USP9X: variants seen among roughly 807,000 people sequenced by gnomAD.
USP9X encodes the protein ubiquitin carboxyl-terminal hydrolase 9X.
USP9X carries 7 observed loss-of-function variants against 190.3 expected under a neutral mutation model. The ratio of observed to expected loss-of-function variants is 0.04; its 90% CI spans 0.02 to 0.07. The LOEUF (loss-of-function observed/expected upper bound fraction) is 0.07, where lower values mean the gene tolerates loss of function less well. Ranked by LOEUF, USP9X falls within the 10% of genes least tolerant of loss-of-function variation. USP9X has a pLI of 1.00. For synonymous variants in USP9X, 645 were observed against 659.5 expected (o/e 0.98, Z 0.34); for missense variants, 1,010 against 1,916.9 (o/e 0.53, Z 8.83).
rs771978589 is a variant in USP9X at position 41,127,841 on chromosome X, C to T, written c.97-1159C>T. 3.6e-5 allele frequency among the ~76,000 whole-genome samples: 4 copies of T among 112,166 alleles called. No individual in the cohort carries two copies. In the East Asian group the frequency reaches 8.3e-4, roughly 23 times the overall value. ...TGCTTGAATGATAAGGCGAGGGGCC[C>T]GTTTCTCTTAAAGGGCCATCAGCCT... On this transcript the variant is annotated intron_variant, in intron 2 of 44. Coordinates refer to ENST00000378308, the MANE Select transcript of USP9X (RefSeq NM_001039591.3).
intron 21 of USP9X, among the ~76,000 whole-genome samples, chrX:41,180,620 A>T (rs759567132): frequency 6.2e-5 from 7 of 112,324 alleles, no homozygotes; most frequent in African/African-American, 2.3e-4. Context: ...CATAAGTTTC[A>T]TAGTTTATTA....
At chrX:41,134,885 C>T in intron 5 of USP9X, 48 bp downstream of exon 5, 1 of 972,419 alleles carries the variant, frequency 1.0e-6, no homozygotes, top group South Asian at 2.0e-5. Context: ...ATAGTGATGC[C>T]TGTGAGTGGG....
intron 35 of USP9X, 133 bp from the exon 36 acceptor site, chrX:41,217,087 G>T: frequency 2.9e-6 from 2 of 680,894 alleles, no homozygotes; most frequent in East Asian, 3.8e-5. Context: ...AAAATAAATG[G>T]GTCTAAATTA....
chrX:41,230,413 AT>A (rs2063350610), intron 43 of USP9X, 87 bp from the exon 44 acceptor site: 2 of 913,316 alleles, frequency 2.2e-6, no homozygotes, highest in African/African-American at 4.1e-5. Context: ...AGTTTTGTAG[AT>A]TTTTAAAATT....
At chrX:41,226,348 T>C (rs2063312512) in intron 41 of USP9X, among the ~76,000 whole-genome samples, 1 of 111,903 alleles carries the variant, frequency 8.9e-6, no homozygotes, top group Non-Finnish European at 1.9e-5. Context: ...CCAAGAGTTA[T>C]ATAATAGATG....
At chrX:41,201,368 C>G in intron 31 of USP9X, 88 bp downstream of exon 31, 1 of 904,269 alleles carries the variant, frequency 1.1e-6, no homozygotes, top group Admixed American at 2.5e-5. Flanking sequence ...ATACTTTCAT[C>G]AAACGTATTA....
chrX:41,151,843 T>C (rs990337655), intron 13 of USP9X, among the ~76,000 whole-genome samples: 3 of 111,970 alleles, frequency 2.7e-5, no homozygotes, highest in African/African-American at 9.8e-5. Flanking sequence ...TAGCCGGGCG[T>C]GGTGGCATGC....
intron 1 of USP9X, among the ~76,000 whole-genome samples, chrX:41,099,096 G>GTTTTTTTTTTTTTTTTTT (rs34179321): frequency 1.4e-4 from 6 of 44,264 alleles, no homozygotes; most frequent in African/African-American, 2.0e-4. Context: ...CCAGATAATT[G>GTTTTTTTTTTTTTTTTTT]TTTTTTTTTT....
chrX:41,225,889 T>C (rs781615086), intron 41 of USP9X, among the ~76,000 whole-genome samples: 2 of 112,721 alleles, frequency 1.8e-5, no homozygotes, highest in East Asian at 5.5e-4. Flanking sequence ...ACTTGGGTCA[T>C]TTTAAACATA....
Position 41,150,990 on chromosome X carries a change from G to A in USP9X, c.1696G>A (p.Val566Ile). 8.3e-7 allele frequency: 1 copy of A among 1,208,143 alleles called. No homozygotes were observed. Among genetic ancestry groups the A allele is most frequent in the Non-Finnish European group, 1.1e-6 (1 of 893,678 alleles). Residue 566 changes from valine to isoleucine, a missense_variant, in exon 13 of 45, where the codon GTT becomes ATT. By Grantham distance (29) the Val-to-Ile change is conservative. This residue lies in a region of USP9X where 104 missense variants were observed against 239.8 expected (regional missense o/e 0.43). Coordinates refer to ENST00000378308, the MANE Select transcript of USP9X (RefSeq NM_001039591.3). The stretch of plus-strand genomic sequence containing the variant: ...AGAACTTCGCACAAATGACAAATGG[G>A]TTATTCCCGCACTGAAACAAATTAG... ...IEELRTNDKW[V>I]IPALKQIREI...
chrX:41,140,933 A>G (rs765855521), intron 7 of USP9X, 33 bp from the exon 8 acceptor site: 1 of 1,147,172 alleles, frequency 8.7e-7, no homozygotes, highest in Non-Finnish European at 1.2e-6. Flanking sequence ...GAAATTGCGT[A>G]TTTACAGGAG....
intron 26 of USP9X, among the ~76,000 whole-genome samples, chrX:41,193,460 T>A (rs1376041334): frequency 9.0e-6 from 1 of 110,849 alleles, no homozygotes; most frequent in African/African-American, 3.3e-5. Flanking sequence ...GCCAGGAGTT[T>A]GAGACCAGCC....
intron 21 of USP9X, among the ~76,000 whole-genome samples, chrX:41,174,884 A>G (rs1382263102): frequency 1.8e-5 from 2 of 111,512 alleles, no homozygotes; most frequent in African/African-American, 6.5e-5. Flanking sequence ...AATCCCAGCT[A>G]CTTGGGAGGC....
At chrX:41,099,386 C>T (rs5918109) in intron 1 of USP9X, among the ~76,000 whole-genome samples, 23,224 of 110,156 alleles carry the variant, frequency 0.21, 2,244 homozygotes, top group Non-Finnish European at 0.3. Context: ...TAGCTTTAGT[C>T]AATACTGCCA....
intron 14 of USP9X, among the ~76,000 whole-genome samples, chrX:41,161,344 T>G (rs1302808019): frequency 1.0e-4 from 9 of 87,245 alleles, no homozygotes; most frequent in Non-Finnish European, 2.0e-4. Flanking sequence ...TTTTTTTTTT[T>G]TTTTTTTTTT....
rs745676748 is a variant in USP9X at position 41,171,986 on chromosome X, A to G, written c.3148+28A>G. 8.3e-6 allele frequency: 10 copies of G among 1,204,253 alleles called. No homozygotes were observed. The African/African-American group carries it at 1.8e-4, about 21-fold the overall frequency. ...AAGAATTTTTAAATGATGATCAAGT[A>G]CTTGCTGGACAATAAAGGAGTATAT... On this transcript the variant is annotated intron_variant, in intron 21 of 44. Coordinates refer to ENST00000378308, the MANE Select transcript of USP9X (RefSeq NM_001039591.3).
chrX:41,128,363 G>A (rs1429083561), intron 2 of USP9X, among the ~76,000 whole-genome samples: 1 of 111,002 alleles, frequency 9.0e-6, no homozygotes, highest in African/African-American at 3.3e-5. Flanking sequence ...GAAATCCTGA[G>A]TATAGAATTT....
intron 21 of USP9X, 62 bp downstream of exon 21, chrX:41,172,020 T>G (rs1569179312): frequency 8.5e-7 from 1 of 1,174,216 alleles, no homozygotes; most frequent in Non-Finnish European, 1.1e-6. Context: ...ATTAGCAAAT[T>G]CTGTTTCTAA....
At chrX:41,211,297 T>TG (rs1223539699) in intron 33 of USP9X, among the ~76,000 whole-genome samples, 1 of 112,524 alleles carries the variant, frequency 8.9e-6, no homozygotes, top group Non-Finnish European at 1.9e-5. Flanking sequence ...GGCCTACTCT[T>TG]ACATTCTTTT....
Sources: allele counts gnomAD v4.1 joint callset (sites outside exome capture counted in the v4.1 genomes callset), GRCh38; gene constraint gnomAD v4.1.1; regional missense constraint gnomAD v4.1.1; transcripts MANE v1.5; gene names NCBI Gene and HGNC (gene_info 2026-07-23, HGNC 2026-07-21).